Variants in CLDN10 observed in about 807,000 individuals in gnomAD.
The protein encoded by CLDN10 is claudin 10, also known as claudin-10.
A neutral mutation model predicts 22.9 loss-of-function variants in CLDN10; 15 were observed. The observed-to-expected ratio is 0.65, with a 90% CI of 0.44 to 1.01. The LOEUF is 1.01. Ranked by LOEUF, CLDN10 falls within the 50% of genes least tolerant of loss-of-function variation. The pLI is 0.00. For missense variants in CLDN10, 247 were observed against 287.8 expected (o/e 0.86, Z 1.03); for synonymous variants, 114 against 111.4 (o/e 1.02, Z -0.15).
chr13:95,434,186 G>A, intron 1 of CLDN10: 1 of 711,574 alleles, frequency 1.4e-6, no homozygotes, highest in Middle Eastern at 2.5e-4. Context: ...GCCTAGGAAG[G>A]ATGGGGTGTA....
At chr13:95,492,153 AGGT>A (rs2042878941) in intron 1 of CLDN10, among the ~76,000 whole-genome samples, 1 of 152,030 alleles carries the variant, frequency 6.6e-6, no homozygotes, top group African/African-American at 2.4e-5. Flanking sequence ...TCCTGCCAGG[AGGT>A]GGTGCTTTCC....
intron 1 of CLDN10, among the ~76,000 whole-genome samples, chr13:95,529,932 A>T (rs2043323124): frequency 6.6e-6 from 1 of 152,202 alleles, no homozygotes; most frequent in African/African-American, 2.4e-5. Flanking sequence ...CCTAGAGTCA[A>T]ATGTGATATA....
chr13:95,577,170 T>G (rs562952757), intron 3 of CLDN10, 61 bp from the exon 4 acceptor site: 1 of 1,130,716 alleles, frequency 8.8e-7, no homozygotes, highest in African/African-American at 1.5e-5. Flanking sequence ...ACTATCAGTG[T>G]TAAATACTGT....
At chr13:95,542,838 G>A (rs1447586779) in intron 1 of CLDN10, among the ~76,000 whole-genome samples, 1 of 152,048 alleles carries the variant, frequency 6.6e-6, no homozygotes, top group Non-Finnish European at 1.5e-5. Flanking sequence ...CAATAATAAA[G>A]ACATAGTTAT....
At chr13:95,445,905 T>A (rs916290475) in intron 1 of CLDN10, among the ~76,000 whole-genome samples, 16 of 152,348 alleles carry the variant, frequency 1.1e-4, no homozygotes, top group African/African-American at 3.8e-4. Flanking sequence ...AATTGCATAG[T>A]TCTAGTCTTG....
intron 3 of CLDN10, among the ~76,000 whole-genome samples, chr13:95,562,428 AAAAC>A (rs1180198111): frequency 6.6e-6 from 1 of 152,234 alleles, no homozygotes; most frequent in Non-Finnish European, 1.5e-5. Context: ...ATGGGAAAGA[AAAAC>A]AAATTTTATT....
At chr13:95,514,183 T>G (rs962453056) in intron 1 of CLDN10, among the ~76,000 whole-genome samples, 6 of 152,068 alleles carry the variant, frequency 3.9e-5, no homozygotes, top group African/African-American at 1.4e-4. Context: ...GGCTTGAGCC[T>G]GGGAGGTGGA....
At chr13:95,553,587 A>G (rs2043595620) in intron 1 of CLDN10, among the ~76,000 whole-genome samples, 2 of 152,224 alleles carry the variant, frequency 1.3e-5, no homozygotes, top group Non-Finnish European at 2.9e-5. Flanking sequence ...GCAACACTAC[A>G]AACACTTCCT....
chr13:95,577,740 C>T (rs754386937), intron 4 of CLDN10, among the ~76,000 whole-genome samples, 160 bp from the exon 5 acceptor site: 2 of 152,140 alleles, frequency 1.3e-5, no homozygotes, highest in East Asian at 1.9e-4. Context: ...AGAAATGACA[C>T]TGAAAATACT....
chr13:95,538,965 C>T (rs1236087455), intron 1 of CLDN10, among the ~76,000 whole-genome samples: 2 of 152,144 alleles, frequency 1.3e-5, no homozygotes, highest in Admixed American at 6.5e-5. Context: ...CTGCAACCAC[C>T]GCCTCCTGGG....
chr13:95,451,865 G>T (rs192099800), intron 1 of CLDN10, among the ~76,000 whole-genome samples: 1 of 152,194 alleles, frequency 6.6e-6, no homozygotes, highest in Non-Finnish European at 1.5e-5. Context: ...CCTTGGTGCC[G>T]TTAGCAAGTC....
chr13:95,473,899 CAG>C (rs1467799046), intron 1 of CLDN10, among the ~76,000 whole-genome samples: 1 of 152,138 alleles, frequency 6.6e-6, no homozygotes, highest in Non-Finnish European at 1.5e-5. Flanking sequence ...GTGAAGGAAA[CAG>C]AAATAAAAAA....
intron 1 of CLDN10, among the ~76,000 whole-genome samples, chr13:95,500,963 A>G (rs1170052737): frequency 6.6e-6 from 1 of 152,116 alleles, no homozygotes; most frequent in Non-Finnish European, 1.5e-5. Flanking sequence ...AAGGGATACC[A>G]TCGAGGGCAG....
chr13:95,485,833 G>A (rs12866697), intron 1 of CLDN10, among the ~76,000 whole-genome samples: 80,792 of 151,976 alleles, frequency 0.53, 21,909 homozygotes, highest in African/African-American at 0.63. Context: ...TGCCTGGATG[G>A]CCTTGATAAC....
intron 1 of CLDN10, among the ~76,000 whole-genome samples, chr13:95,471,015 G>A (rs2042625867): frequency 6.6e-6 from 1 of 152,158 alleles, no homozygotes; most frequent in South Asian, 2.1e-4. Context: ...AGGGGGAAAG[G>A]AGACGAGAAA....
At chr13:95,514,858 G>A (rs1239238898) in intron 1 of CLDN10, among the ~76,000 whole-genome samples, 3 of 152,150 alleles carry the variant, frequency 2.0e-5, no homozygotes, top group Non-Finnish European at 4.4e-5. Flanking sequence ...GGTGACAAGG[G>A]CAAGCATGGA....
At chr13:95,456,580 C>G (rs546690801) in intron 1 of CLDN10, among the ~76,000 whole-genome samples, 6 of 151,940 alleles carry the variant, frequency 3.9e-5, no homozygotes, top group Non-Finnish European at 8.8e-5. Context: ...TAATAAGACG[C>G]CTGTCTCCAC....
intron 1 of CLDN10, among the ~76,000 whole-genome samples, chr13:95,485,490 T>A (rs367864072): frequency 3.9e-5 from 6 of 152,274 alleles, no homozygotes; most frequent in Admixed American, 2.0e-4. Context: ...CCAAAGGTAT[T>A]CAAAATTATT....
At chr13:95,503,668 A>G (rs1484104688) in intron 1 of CLDN10, among the ~76,000 whole-genome samples, 1 of 152,248 alleles carries the variant, frequency 6.6e-6, no homozygotes, top group Admixed American at 6.5e-5. Context: ...CTTAAAAGGG[A>G]TGAAAGTTCT....
Sources: allele counts gnomAD v4.1 joint callset (sites outside exome capture counted in the v4.1 genomes callset), GRCh38; gene constraint gnomAD v4.1.1; transcripts MANE v1.5; gene names NCBI Gene and HGNC (gene_info 2026-07-23, HGNC 2026-07-21).